Variants in FANCC observed in about 807,000 individuals in gnomAD.
FANCC encodes FA complementation group C.
FANCC carries 55 observed loss-of-function variants against 71.3 expected under a neutral mutation model. The ratio of observed to expected loss-of-function variants is 0.77; its 90% CI spans 0.62 to 0.97. The LOEUF (loss-of-function observed/expected upper bound fraction) is 0.97. Ranked by LOEUF, FANCC falls within the 50% of genes least tolerant of loss-of-function variation. The probability of loss-of-function intolerance (pLI) is 0.00; values close to 1 mark genes in which losing one functional copy is unlikely to be tolerated. For missense variants in FANCC, 678 were observed against 670.9 expected, an observed-to-expected ratio of 1.01 and a Z score of -0.12; for synonymous variants, 275 against 244.9, an observed-to-expected ratio of 1.12 and a Z score of -1.15.
intron 7 of FANCC, among the ~76,000 whole-genome samples, chr9:95,137,281 G>A (rs1406676879): frequency 6.6e-6 from 1 of 152,112 alleles, no homozygotes; most frequent in Non-Finnish European, 1.5e-5. Flanking sequence ...TGTAGCTCCT[G>A]CAGACCTTGT....
intron 1 of FANCC, among the ~76,000 whole-genome samples, chr9:95,290,120 T>C (rs969805471): frequency 2.0e-5 from 3 of 152,184 alleles, no homozygotes; most frequent in African/African-American, 7.2e-5. Flanking sequence ...TAGGCACACA[T>C]GTCACTGGGT....
intron 14 of FANCC, among the ~76,000 whole-genome samples, chr9:95,103,230 C>G (rs981107087): frequency 4.6e-5 from 7 of 152,048 alleles, no homozygotes; most frequent in African/African-American, 1.7e-4. Context: ...ACAAATCCAA[C>G]CTTGCATCTT....
chr9:95,162,737 T>C (rs1830825953), intron 6 of FANCC, among the ~76,000 whole-genome samples: 1 of 152,248 alleles, frequency 6.6e-6, no homozygotes, highest in Admixed American at 6.5e-5. Context: ...TTTCATATGC[T>C]TGTTGGTCAT....
chr9:95,112,088 A>C (rs1028355544), intron 12 of FANCC, among the ~76,000 whole-genome samples: 1 of 152,200 alleles, frequency 6.6e-6, no homozygotes, highest in African/African-American at 2.4e-5. Flanking sequence ...GCAACTACGA[A>C]TTTTTAATGA....
At chr9:95,247,286 C>A in intron 3 of FANCC, 146 bp downstream of exon 3, 1 of 663,002 alleles carries the variant, frequency 1.5e-6, no homozygotes. Flanking sequence ...TATAGGAAGC[C>A]ATCTTTGTAA....
At chr9:95,278,349 C>T (rs1364804130) in intron 1 of FANCC, among the ~76,000 whole-genome samples, 2 of 152,190 alleles carry the variant, frequency 1.3e-5, no homozygotes, top group South Asian at 2.1e-4. Flanking sequence ...AGAAGCCATA[C>T]TCCAAATTTT....
intron 4 of FANCC, among the ~76,000 whole-genome samples, chr9:95,204,907 G>C (rs1198726213): frequency 6.6e-6 from 1 of 152,176 alleles, no homozygotes; most frequent in African/African-American, 2.4e-5. Flanking sequence ...AACAAAGGGA[G>C]CCCAAAATAG....
At position 95,209,516 on chromosome 9, in the gene FANCC, A is replaced by T. The variant is rs561069489; in HGVS notation, c.345+31133T>A. Reference sequence around the variant, plus strand: ...GGGAAATACCTGTACCTTCCACTCAATTTTGCTGCAAACCTAAAACTGCTT... The same window carrying T: ...GGGAAATACCTGTACCTTCCACTCATTTTTGCTGCAAACCTAAAACTGCTT... On this transcript the variant is annotated intron_variant, in intron 4 of 14. Transcript: ENST00000289081. Among the ~76,000 whole-genome samples, 4 of 152,256 alleles carry T rather than the reference A, an allele frequency of 2.6e-5. No homozygotes were observed. The East Asian group carries it at 7.7e-4, about 29-fold the overall frequency.
chr9:95,261,696 G>T (rs1564807074), intron 1 of FANCC, among the ~76,000 whole-genome samples: 1 of 152,190 alleles, frequency 6.6e-6, no homozygotes, highest in Non-Finnish European at 1.5e-5. Flanking sequence ...AGATCCCTCA[G>T]TAAGTATTTC....
intron 4 of FANCC, among the ~76,000 whole-genome samples, chr9:95,200,105 G>A (rs1388895440): frequency 1.3e-5 from 2 of 152,146 alleles, no homozygotes; most frequent in African/African-American, 4.8e-5. Flanking sequence ...GATTACAGAT[G>A]AATGCAAACA....
At chr9:95,212,539 C>T (rs1828569877) in intron 4 of FANCC, among the ~76,000 whole-genome samples, 1 of 151,946 alleles carries the variant, frequency 6.6e-6, no homozygotes, top group South Asian at 2.1e-4. Context: ...GGCCTCTTTC[C>T]GAGAAACCAA....
At position 95,238,455 on chromosome 9, in the gene FANCC, C is replaced by G. The variant is rs544515877; in HGVS notation, c.345+2194G>C. ...CTCGCAATTTCTCAACTTATCACTA[C>G]AATAGCTTCCAACGTCTATCCTTGC... On this transcript the variant is annotated intron_variant, in intron 4 of 14. Coordinates refer to ENST00000289081, the MANE Select transcript of FANCC (RefSeq NM_000136.3). 5.3e-5 allele frequency among the ~76,000 whole-genome samples: 8 copies of G among 152,300 alleles called. No individual in the cohort carries two copies. In the South Asian group the frequency reaches 1.5e-3, roughly 28 times the overall value.
At chr9:95,306,915 C>T (rs961125844) in intron 1 of FANCC, among the ~76,000 whole-genome samples, 2 of 151,956 alleles carry the variant, frequency 1.3e-5, no homozygotes, top group African/African-American at 4.8e-5. Flanking sequence ...GCTCTGTCAC[C>T]CAGGCTGGAG....
At chr9:95,179,902 G>A (rs1217646937) in intron 4 of FANCC, among the ~76,000 whole-genome samples, 1 of 152,176 alleles carries the variant, frequency 6.6e-6, no homozygotes, top group Non-Finnish European at 1.5e-5. Flanking sequence ...TAAAACACTT[G>A]TCTAAAAAGA....
At chr9:95,112,155 C>T (rs1429531320) in intron 12 of FANCC, among the ~76,000 whole-genome samples, 3 of 152,252 alleles carry the variant, frequency 2.0e-5, no homozygotes, top group Admixed American at 2.0e-4. Flanking sequence ...GTGAAGCTAT[C>T]CCCTCGCCAC....
At chr9:95,186,301 T>C (rs1826700619) in intron 4 of FANCC, among the ~76,000 whole-genome samples, 1 of 152,212 alleles carries the variant, frequency 6.6e-6, no homozygotes, top group African/African-American at 2.4e-5. Flanking sequence ...CATTGGCATT[T>C]TGGGCCTGAC....
intron 14 of FANCC, among the ~76,000 whole-genome samples, chr9:95,105,287 C>T (rs1316592657): frequency 4.6e-5 from 7 of 152,174 alleles, no homozygotes; most frequent in Admixed American, 2.0e-4. Context: ...TGGACATTCA[C>T]GTTTCAGTCA....
intron 4 of FANCC, among the ~76,000 whole-genome samples, chr9:95,202,406 T>C (rs756311708): frequency 6.6e-6 from 1 of 151,754 alleles, no homozygotes; most frequent in Non-Finnish European, 1.5e-5. Context: ...AGCCAGCTTT[T>C]CTAGCACAGG....
chr9:95,272,158 T>A (rs1031250200), intron 1 of FANCC, among the ~76,000 whole-genome samples: 3 of 151,658 alleles, frequency 2.0e-5, no homozygotes, highest in African/African-American at 7.3e-5. Flanking sequence ...CAGGATGGTC[T>A]CGATCTCCTG....
Sources: gnomAD v4.1 joint callset for allele counts (sites outside exome capture counted in the v4.1 genomes callset) on GRCh38, gnomAD v4.1.1 for gene constraint, MANE v1.5 for transcripts, NCBI Gene and HGNC (gene_info 2026-07-23, HGNC 2026-07-21) for gene names.